UNC5D: variants seen among roughly 807,000 people sequenced by gnomAD.
UNC5D encodes unc-5 netrin receptor D.
A neutral mutation model predicts 105.4 loss-of-function variants in UNC5D; 39 were observed. That is an observed-to-expected ratio of 0.37 (90% CI 0.29 to 0.48). UNC5D has a LOEUF of 0.48. Ranked by LOEUF, UNC5D falls within the 20% of genes least tolerant of loss-of-function variation. The pLI, the probability that UNC5D is intolerant of heterozygous loss-of-function variation, is 0.98. For missense variants in UNC5D, 991 were observed against 1,202.4 expected, an observed-to-expected ratio of 0.82 and a Z score of 2.60; for synonymous variants, 452 against 450.4, an observed-to-expected ratio of 1.00 and a Z score of -0.04.
intron 4 of UNC5D, among the ~76,000 whole-genome samples, chr8:35,629,657 C>T (rs988793066): frequency 2.0e-5 from 3 of 152,184 alleles, no homozygotes; most frequent in African/African-American, 7.2e-5. Context: ...AATATACCCA[C>T]GTAACAATCA....
chr8:35,394,785 A>G (rs1262442533), intron 1 of UNC5D, among the ~76,000 whole-genome samples: 1 of 152,202 alleles, frequency 6.6e-6, no homozygotes, highest in Admixed American at 6.5e-5. Flanking sequence ...CTATGTAAAT[A>G]TGTAGAAGTA....
chr8:35,579,138 T>C (rs1046692690), intron 3 of UNC5D, among the ~76,000 whole-genome samples: 1 of 151,856 alleles, frequency 6.6e-6, no homozygotes, highest in East Asian at 1.9e-4. Flanking sequence ...CAACAGATAA[T>C]ACAAACAGCT....
intron 4 of UNC5D, among the ~76,000 whole-genome samples, chr8:35,616,949 C>T (rs1821065341): frequency 6.6e-6 from 1 of 152,144 alleles, no homozygotes; most frequent in African/African-American, 2.4e-5. Context: ...GAAGTAAAAG[C>T]AGTCTGGGAT....
intron 1 of UNC5D, among the ~76,000 whole-genome samples, chr8:35,451,403 G>A (rs1173401463): frequency 1.3e-5 from 2 of 152,120 alleles, no homozygotes; most frequent in Middle Eastern, 3.4e-3. Flanking sequence ...CATCTAATTA[G>A]CACATCATTA....
intron 8 of UNC5D, among the ~76,000 whole-genome samples, chr8:35,709,122 C>T (rs1024844200): frequency 6.6e-6 from 1 of 152,018 alleles, no homozygotes; most frequent in Non-Finnish European, 1.5e-5. Context: ...CCACTCTGCT[C>T]AAACCCATCC....
intron 11 of UNC5D, among the ~76,000 whole-genome samples, chr8:35,744,802 C>G (rs548672951): frequency 6.6e-6 from 1 of 152,232 alleles, no homozygotes; most frequent in African/African-American, 2.4e-5. Context: ...CCTATAATCC[C>G]AGCACTTTGA....
intron 8 of UNC5D, among the ~76,000 whole-genome samples, chr8:35,714,726 C>T (rs187756761): frequency 1.3e-5 from 2 of 152,282 alleles, no homozygotes; most frequent in East Asian, 1.9e-4. Flanking sequence ...CAGTTGCAAA[C>T]GACCTTCAAG....
At chr8:35,571,352 T>C (rs1192625924) in intron 3 of UNC5D, among the ~76,000 whole-genome samples, 1 of 152,248 alleles carries the variant, frequency 6.6e-6, no homozygotes, top group Admixed American at 6.5e-5. Flanking sequence ...ATGTACTTAA[T>C]ATAATCTCTA....
chr8:35,716,694 T>C (rs1229418065), intron 8 of UNC5D, among the ~76,000 whole-genome samples: 1 of 152,128 alleles, frequency 6.6e-6, no homozygotes, highest in African/African-American at 2.4e-5. Flanking sequence ...ATAACTACAA[T>C]AGCAAATTGA....
intron 1 of UNC5D, among the ~76,000 whole-genome samples, chr8:35,440,101 T>C (rs149810984): frequency 2.7e-3 from 417 of 152,154 alleles, no homozygotes; most frequent in African/African-American, 9.1e-3. Context: ...TTCAACTCTA[T>C]CACGCTGGTG....
chr8:35,648,334 G>A (rs1823182755), intron 4 of UNC5D, among the ~76,000 whole-genome samples: 1 of 152,000 alleles, frequency 6.6e-6, no homozygotes, highest in East Asian at 1.9e-4. Flanking sequence ...GTGGGACAGA[G>A]GTACCTGCTC....
In UNC5D at chr8:35,578,593, G is replaced by C. The variant is rs369382455; in HGVS notation, c.466+10352G>C. ...TGAAGATATAATTTGAAACTTCAAA[G>C]TTACTTTGTGCCTGCCACATCTTTT... On this transcript the variant is annotated intron_variant, in intron 3 of 16. Coordinates refer to ENST00000404895, the MANE Select transcript of UNC5D (RefSeq NM_080872.4). Among the ~76,000 whole-genome samples, 183 of 152,298 alleles carry C rather than the reference G, an allele frequency of 1.2e-3. 6 individuals are homozygous for C. In the South Asian group the frequency reaches 0.034, roughly 28 times the overall value.
chr8:35,731,154 T>C, intron 11 of UNC5D, 58 bp downstream of exon 11: 2 of 1,524,614 alleles, frequency 1.3e-6, no homozygotes, highest in Non-Finnish European at 9.1e-7. Context: ...ATCCCAGTAC[T>C]TTGGGAGGCT....
At chr8:35,582,656 A>T (rs976309693) in intron 3 of UNC5D, among the ~76,000 whole-genome samples, 2 of 152,096 alleles carry the variant, frequency 1.3e-5, no homozygotes, top group Non-Finnish European at 2.9e-5. Flanking sequence ...GAACCAAAAA[A>T]CTAATAATGT....
At chr8:35,394,122 C>T (rs533379295) in intron 1 of UNC5D, among the ~76,000 whole-genome samples, 1 of 152,062 alleles carries the variant, frequency 6.6e-6, no homozygotes, top group African/African-American at 2.4e-5. Flanking sequence ...TGAAACCAAT[C>T]ATGTTTGTGT....
chr8:35,348,514 C>T (rs1456964290), intron 1 of UNC5D, among the ~76,000 whole-genome samples: 3 of 145,826 alleles, frequency 2.1e-5, no homozygotes, highest in Non-Finnish European at 4.5e-5. Context: ...TTAGATTACC[C>T]TAGGAAAATC....
intron 1 of UNC5D, among the ~76,000 whole-genome samples, chr8:35,418,074 C>T (rs1168087786): frequency 6.6e-6 from 1 of 152,046 alleles, no homozygotes; most frequent in African/African-American, 2.4e-5. Flanking sequence ...AGACCCTGAG[C>T]CCCCTGCAGA....
chr8:35,736,727 C>A (rs183968962), intron 11 of UNC5D, among the ~76,000 whole-genome samples: 12 of 152,294 alleles, frequency 7.9e-5, no homozygotes, highest in Admixed American at 7.8e-4. Flanking sequence ...AAAGGGGTTT[C>A]TCTCCAAGGG....
chr8:35,687,539 G>C (rs563303208), intron 7 of UNC5D, among the ~76,000 whole-genome samples: 1 of 151,848 alleles, frequency 6.6e-6, no homozygotes, highest in South Asian at 2.1e-4. Flanking sequence ...GTAGCAAGTA[G>C]AATGTTTGTT....
Sources: allele counts gnomAD v4.1 joint callset (sites outside exome capture counted in the v4.1 genomes callset), GRCh38; gene constraint gnomAD v4.1.1; transcripts MANE v1.5; gene names NCBI Gene and HGNC (gene_info 2026-07-23, HGNC 2026-07-21).